The following MAP2K5 variants were observed in gnomAD, a reference collection of about 807,000 sequenced individuals.
The protein encoded by MAP2K5 is dual specificity mitogen-activated protein kinase kinase 5.
A neutral mutation model predicts 83.1 loss-of-function variants in MAP2K5; 49 were observed. The ratio of observed to expected loss-of-function variants is 0.59; its 90% CI spans 0.47 to 0.75. MAP2K5 has a LOEUF of 0.75. MAP2K5 is among the 30% of genes least tolerant of loss of function. MAP2K5 has a pLI of 0.00. For missense variants in MAP2K5, 457 were observed against 557.5 expected (o/e 0.82, Z 1.82); for synonymous variants, 202 against 191.8 (o/e 1.05, Z -0.44).
intron 13 of MAP2K5, among the ~76,000 whole-genome samples, chr15:67,687,980 G>A (rs2087998916): frequency 6.6e-6 from 1 of 152,178 alleles, no homozygotes; most frequent in South Asian, 2.1e-4. Context: ...GGGAAAGGAA[G>A]TATCTGAGCT....
At position 67,682,594 on chromosome 15, in the gene MAP2K5, G is replaced by A. The variant is rs975918258; in HGVS notation, c.848-9885G>A. 4.6e-5 allele frequency among the ~76,000 whole-genome samples: 7 copies of A among 151,748 alleles called. No individual in the cohort carries two copies. In the East Asian group the frequency reaches 1.2e-3, roughly 26 times the overall value. ...TACACCTGTAATCCCAGCACTTTGG[G>A]AGGCCAAGGCAGGCAGATCATGAGG... is the stretch of plus-strand genomic sequence containing the variant. On this transcript the variant is annotated intron_variant, in intron 13 of 21. Coordinates refer to ENST00000178640, the MANE Select transcript of MAP2K5 (RefSeq NM_145160.3).
rs2085096222 is a variant in MAP2K5 at position 67,577,840 on chromosome 15, A to C, written c.253-2914A>C. Among the ~76,000 whole-genome samples the C allele has an allele frequency of 6.6e-6, 1 of 152,068 alleles. No individual in the cohort carries two copies. Among genetic ancestry groups the C allele is most frequent in the African/African-American group, 2.4e-5 (1 of 41,386 alleles). ...ACATGGTGAAACCCCATCTCTACTA[A>C]AAATACAAAAATTAGCCGGGCCAGT... On this transcript the variant is annotated intron_variant, in intron 3 of 21. Transcript: ENST00000178640. The surrounding 1 kb of genome is among the most constrained non-coding windows in gnomAD (Gnocchi z 4.1).
intron 3 of MAP2K5, among the ~76,000 whole-genome samples, chr15:67,578,683 A>G (rs2085114088): frequency 6.6e-6 from 1 of 152,098 alleles, no homozygotes; most frequent in Non-Finnish European, 1.5e-5. Context: ...AAATTCTCAC[A>G]ATGATTATAA....
Position 67,652,816 on chromosome 15 carries a change from G to A in MAP2K5, c.737-5737G>A, listed in dbSNP as rs575465021. Among the ~76,000 whole-genome samples, 5 of 152,188 alleles carry A rather than the reference G, an allele frequency of 3.3e-5. No homozygotes were observed. The South Asian group carries it at 8.3e-4, about 25-fold the overall frequency. On this transcript the variant is annotated intron_variant, in intron 11 of 21. Coordinates refer to ENST00000178640, the MANE Select transcript of MAP2K5 (RefSeq NM_145160.3). This position sits in a 1 kb window ranked among gnomAD's most constrained non-coding sequence, Gnocchi z 4.2. ...TCATTCACCCCCGCTCCCAGCCCCT[G>A]GCAAACAGCATTATACTCTGTCTCT...
chr15:67,549,705 A>G (rs1035060667), intron 1 of MAP2K5, among the ~76,000 whole-genome samples: 3 of 152,156 alleles, frequency 2.0e-5, no homozygotes, highest in African/African-American at 7.2e-5. Context: ...CTCTCTTTCA[A>G]CTGTAGTATA....
chr15:67,805,830 C>T (rs2090793400), intron 21 of MAP2K5, among the ~76,000 whole-genome samples: 1 of 152,210 alleles, frequency 6.6e-6, no homozygotes, highest in South Asian at 2.1e-4. Context: ...TTCCTTTCAC[C>T]TCTGACTGTG....
chr15:67,612,073 CT>C (rs57650533), intron 8 of MAP2K5, among the ~76,000 whole-genome samples: 18,611 of 117,098 alleles, frequency 0.16, 1,529 homozygotes, highest in African/African-American at 0.26. Flanking sequence ...CTTTGGTTTT[CT>C]TTTTTTTTTT....
intron 17 of MAP2K5, among the ~76,000 whole-genome samples, chr15:67,731,627 C>G (rs1476744813): frequency 6.6e-6 from 1 of 152,160 alleles, no homozygotes; most frequent in African/African-American, 2.4e-5. Flanking sequence ...CAGGCTGTTA[C>G]CTGACTCAGG....
chr15:67,554,211 C>G (rs1190743037), intron 2 of MAP2K5, among the ~76,000 whole-genome samples: 1 of 152,022 alleles, frequency 6.6e-6, no homozygotes, highest in Non-Finnish European at 1.5e-5. Context: ...AGGTGCATGC[C>G]ACTACACTGG....
chr15:67,693,464 A>C, intron 14 of MAP2K5, 54 bp from the exon 15 acceptor site: 1 of 1,403,450 alleles, frequency 7.1e-7, no homozygotes, highest in African/African-American at 1.4e-5. Flanking sequence ...ATAATTGCCC[A>C]TTTTATTTCC....
rs34004236 is a variant in MAP2K5, at chr15:67,572,708, T to TA, written c.253-8046_253-8045insA. Among the ~76,000 whole-genome samples, 36,745 of 126,146 alleles carry TA rather than the reference T, an allele frequency of 0.29. 5,196 individuals are homozygous for TA. The highest frequency in any genetic ancestry group is 0.59 in the East Asian group (2,556 of 4,322). The allele number at this position is 126,146 out of a possible 152,430, so 82.8% of individuals were successfully genotyped here. A position where few individuals can be genotyped will look rare whatever the true frequency, so the allele number is the denominator to read the frequency against. ...CAAGAATTGATATTATTATTATTAT[T>TA]TTTTTTTTTGAGATGGAGTCTTGCT... On this transcript the variant is annotated intron_variant, in intron 3 of 21. Coordinates refer to ENST00000178640, the MANE Select transcript of MAP2K5 (RefSeq NM_145160.3). This position sits in a 1 kb window ranked among gnomAD's most constrained non-coding sequence, Gnocchi z 4.2.
chr15:67,550,673 A>G (rs2140945239), intron 2 of MAP2K5, among the ~76,000 whole-genome samples: 1 of 152,018 alleles, frequency 6.6e-6, no homozygotes, highest in Non-Finnish European at 1.5e-5. Context: ...CTACGATGAG[A>G]TAGTCAGTAG....
At chr15:67,655,171 T>G (rs1435639142) in intron 11 of MAP2K5, among the ~76,000 whole-genome samples, 3 of 152,244 alleles carry the variant, frequency 2.0e-5, no homozygotes, top group Non-Finnish European at 4.4e-5. Flanking sequence ...CTATACATTG[T>G]GTGTCCAACA....
rs550888846 is a variant in MAP2K5 at position 67,782,161 on chromosome 15, A to C, written c.1242+9409A>C. Among the ~76,000 whole-genome samples the C allele has an allele frequency of 6.6e-6, 1 of 152,314 alleles. No individual in the cohort carries two copies. Among genetic ancestry groups the C allele is most frequent in the East Asian group, 1.9e-4 (1 of 5,186 alleles). ...GGCCCAGCTGGTAGTAGATAAGAAA[A>C]TGTTCCTTTCACAAAGAGGCAGTGT... On this transcript the variant is annotated intron_variant, in intron 21 of 21. Coordinates refer to ENST00000178640, the MANE Select transcript of MAP2K5 (RefSeq NM_145160.3). The surrounding 1 kb of genome is among the most constrained non-coding windows in gnomAD (Gnocchi z 4.9).
intron 17 of MAP2K5, among the ~76,000 whole-genome samples, chr15:67,730,754 G>C (rs562626361): frequency 6.6e-6 from 1 of 152,334 alleles, no homozygotes; most frequent in South Asian, 2.1e-4. Flanking sequence ...AATTGCTGCT[G>C]TGAACCTAAA....
chr15:67,777,488 C>T lies in MAP2K5; in HGVS notation c.1242+4736C>T, dbSNP rs1217928541. On this transcript the variant is annotated intron_variant, in intron 21 of 21. Coordinates refer to ENST00000178640, the MANE Select transcript of MAP2K5 (RefSeq NM_145160.3). The surrounding 1 kb of genome is among the most constrained non-coding windows in gnomAD (Gnocchi z 6.0). ...GGCCACTTTATTATCTCATGCTGATCTGATTCCCATTCTCCCCCTCCTTTG... is the reference window on the plus strand; with the variant it reads ...GGCCACTTTATTATCTCATGCTGATTTGATTCCCATTCTCCCCCTCCTTTG... 2.6e-5 allele frequency among the ~76,000 whole-genome samples: 4 copies of T among 152,190 alleles called. No individual in the cohort carries two copies. Among genetic ancestry groups the T allele is most frequent in the Non-Finnish European group, 4.4e-5 (3 of 68,038 alleles).
At chr15:67,605,894 G>C (rs1401137992) in intron 8 of MAP2K5, among the ~76,000 whole-genome samples, 1 of 152,148 alleles carries the variant, frequency 6.6e-6, no homozygotes, top group Non-Finnish European at 1.5e-5. Context: ...AATTGTTGTA[G>C]AACATTCACC....
intron 12 of MAP2K5, 188 bp downstream of exon 12, chr15:67,658,802 A>G (rs765054774): frequency 1.6e-6 from 1 of 637,850 alleles, no homozygotes; most frequent in South Asian, 1.5e-5. Context: ...ACATAGTCAC[A>G]CGCTTATGTG....
chr15:67,757,051 A>G lies in MAP2K5; in HGVS notation c.1134+8450A>G, dbSNP rs969157511. Among the ~76,000 whole-genome samples the G allele has an allele frequency of 1.3e-4, 20 of 152,100 alleles. No individual in the cohort carries two copies. The highest frequency in any genetic ancestry group is 3.3e-4 in the Admixed American group (5 of 15,266). ...GGATAGTGATTTATTTCCTTTAGAT[A>G]TACACCGAGAAGTTGGATTACTGAA... On this transcript the variant is annotated intron_variant, in intron 19 of 21. Transcript: ENST00000178640. This position sits in a 1 kb window ranked among gnomAD's most constrained non-coding sequence, Gnocchi z 4.9.
Sources: allele counts gnomAD v4.1 joint callset (sites outside exome capture counted in the v4.1 genomes callset), GRCh38; gene constraint gnomAD v4.1.1; non-coding constraint Gnocchi (gnomAD v3.1); transcripts MANE v1.5; gene names NCBI Gene and HGNC (gene_info 2026-07-23, HGNC 2026-07-21).